MYOM3: variants seen among roughly 807,000 people sequenced by gnomAD.
The protein encoded by MYOM3 is myomesin-3.
MYOM3 carries 155 observed loss-of-function variants against 191.7 expected under a neutral mutation model. The observed-to-expected ratio is 0.81, with a 90% confidence interval of 0.71 to 0.92. The LOEUF (loss-of-function observed/expected upper bound fraction) is 0.92. MYOM3 is among the 40% of genes least tolerant of loss of function. The pLI is 0.00. For synonymous variants in MYOM3, 757 were observed against 762.9 expected, an observed-to-expected ratio of 0.99 and a Z score of 0.13; for missense variants, 1,889 against 1,890.6, an observed-to-expected ratio of 1.00 and a Z score of 0.02.
At chr1:24,058,864 G>T in intron 36 of MYOM3, 60 bp downstream of exon 36, 1 of 1,230,530 alleles carries the variant, frequency 8.1e-7, no homozygotes, top group Non-Finnish European at 1.2e-6. Flanking sequence ...GTGATCTGTG[G>T]TGGATGCACG....
intron 13 of MYOM3, 114 bp downstream of exon 13, chr1:24,089,951 C>T: frequency 1.8e-6 from 2 of 1,099,408 alleles, no homozygotes; most frequent in South Asian, 2.8e-5. Flanking sequence ...TAGGCCCCAC[C>T]TGCCCTCATC....
chr1:24,068,152 C>CTGCAGGGCAGGCCAGGTG, intron 26 of MYOM3, 71 bp downstream of exon 26: 1 of 1,339,874 alleles, frequency 7.5e-7, no homozygotes, highest in African/African-American at 1.6e-5. Flanking sequence ...GGACTCAGGG[C>CTGCAGGGCAGGCCAGGTG]TGCAGGGCAG....
intron 22 of MYOM3, 26 bp from the exon 23 acceptor site, chr1:24,074,295 T>C: frequency 6.3e-7 from 1 of 1,578,680 alleles, no homozygotes; most frequent in Non-Finnish European, 8.7e-7. Context: ...GAGCAGAGGC[T>C]CTGGGAGGAG....
intron 14 of MYOM3, 37 bp downstream of exon 14, chr1:24,089,501 C>T (rs751005041): frequency 4.1e-5 from 64 of 1,565,454 alleles, no homozygotes; most frequent in Non-Finnish European, 5.4e-5. Flanking sequence ...ATCTGTTTCT[C>T]AGGCTGGCCT....
At chr1:24,073,815 A>G (rs531168697) in intron 23 of MYOM3, among the ~76,000 whole-genome samples, 2 of 147,214 alleles carry the variant, frequency 1.4e-5, no homozygotes, top group East Asian at 2.1e-4. Flanking sequence ...GTGAGCCGAG[A>G]TCGTGCCACT....
intron 12 of MYOM3, among the ~76,000 whole-genome samples, chr1:24,090,422 A>C (rs1643802849): frequency 6.6e-6 from 1 of 152,182 alleles, no homozygotes; most frequent in Admixed American, 6.5e-5. Context: ...CACCCAAGTC[A>C]GCGTGGCTCC....
intron 11 of MYOM3, 136 bp downstream of exon 11, chr1:24,092,038 G>A: frequency 1.3e-6 from 1 of 789,058 alleles, no homozygotes; most frequent in Non-Finnish European, 1.8e-6. Flanking sequence ...AGCACAGCCT[G>A]TCTCCTGTCC....
chr1:24,100,186 G>A (rs543267713), intron 5 of MYOM3, among the ~76,000 whole-genome samples: 1 of 152,252 alleles, frequency 6.6e-6, no homozygotes, highest in Non-Finnish European at 1.5e-5. Context: ...GCAGTTTTGT[G>A]TTGCTTACTT....
chr1:24,061,076 C>T lies in MYOM3; in HGVS notation c.3978G>A (p.Leu1326=), dbSNP rs1441994851. The change falls in exon 35 of 37, where the codon TTG becomes TTA. Residue 1326 remains leucine, a synonymous_variant. Transcript: ENST00000374434. ...AMAEHQRLKT[L]AIIEKNRAKV... is the part of the protein sequence containing the mutation. ...CCGACTTACTCTTCTCGATGATGGC[C>T]AAGGTTCTGAAAAACAGAAATGGGA... 6.2e-7 allele frequency: 1 copy of T among 1,614,034 alleles called. No homozygotes were observed. The highest frequency in any genetic ancestry group is 8.5e-7 in the Non-Finnish European group (1 of 1,180,004).
Position 24,099,776 on chromosome 1 carries a change from C to T in MYOM3, c.561-1G>A, listed in dbSNP as rs1471534828. ...ATCAATCCGTGTGTCATTTTTGTAC[C>T]TGTGGGGACATAGCGGTCTGTGGCA... is the stretch of plus-strand genomic sequence containing the variant. On this transcript the variant is annotated splice_acceptor_variant, in intron 5 of 36. Coordinates refer to ENST00000374434, the MANE Select transcript of MYOM3 (RefSeq NM_152372.4). LOFTEE classifies it high-confidence loss of function. 1.2e-6 allele frequency: 2 copies of T among 1,613,326 alleles called. No homozygotes were observed. Among genetic ancestry groups the T allele is most frequent in the East Asian group, 4.5e-5 (2 of 44,882 alleles).
At chr1:24,059,610 C>T (rs923684519) in intron 35 of MYOM3, among the ~76,000 whole-genome samples, 21 of 152,214 alleles carry the variant, frequency 1.4e-4, no homozygotes, top group African/African-American at 2.4e-4. Context: ...AAGTGGGACT[C>T]TGAGACTTCA....
intron 25 of MYOM3, 66 bp from the exon 26 acceptor site, chr1:24,068,433 G>C: frequency 8.2e-6 from 13 of 1,588,272 alleles, no homozygotes; most frequent in Non-Finnish European, 1.0e-5. Context: ...GTACACATCA[G>C]AGTGTAGTGG....
At chr1:24,078,872 A>G (rs1412943198) in intron 20 of MYOM3, among the ~76,000 whole-genome samples, 1 of 152,070 alleles carries the variant, frequency 6.6e-6, no homozygotes, top group Non-Finnish European at 1.5e-5. Context: ...GATATGTCTA[A>G]GTATTTGTGA....
At chr1:24,099,540 C>A in intron 6 of MYOM3, 140 bp downstream of exon 6, 1 of 649,060 alleles carries the variant, frequency 1.5e-6, no homozygotes, top group Non-Finnish European at 2.8e-6. Context: ...TCCCAGGAAT[C>A]GGTATTTTGA....
intron 29 of MYOM3, among the ~76,000 whole-genome samples, chr1:24,064,507 C>T (rs912833623): frequency 7.2e-5 from 11 of 152,180 alleles, no homozygotes; most frequent in African/African-American, 2.7e-4. Flanking sequence ...CTTGTCTGGG[C>T]CTGGCCCACC....
chr1:24,100,421 C>T (rs1643903697), intron 5 of MYOM3, among the ~76,000 whole-genome samples: 1 of 152,194 alleles, frequency 6.6e-6, no homozygotes, highest in Non-Finnish European at 1.5e-5. Flanking sequence ...CTGCCCCTCC[C>T]CCTACCAAGC....
chr1:24,108,612 C>T lies in MYOM3; in HGVS notation c.25G>A (p.Gly9Ser). 6.4e-7 allele frequency: 1 copy of T among 1,566,148 alleles called. No homozygotes were observed. Among genetic ancestry groups the T allele is most frequent in the African/African-American group, 1.4e-5 (1 of 73,422 alleles). MTLPHSLG[G>S]AGDPRPPQAM... Reference sequence around the variant, plus strand: ...TGGGGGGGCCGGGGGTCCCCCGCACCTCCCAAGCTGTGCGGCAGAGTCATG... The same window carrying T: ...TGGGGGGGCCGGGGGTCCCCCGCACTTCCCAAGCTGTGCGGCAGAGTCATG... The change falls in exon 2 of 37, where the codon GGT becomes AGT. Residue 9 changes from glycine (G) to serine (S), a missense_variant. Coordinates refer to ENST00000374434, the MANE Select transcript of MYOM3 (RefSeq NM_152372.4).
intron 1 of MYOM3, among the ~76,000 whole-genome samples, chr1:24,110,366 GTGTA>G (rs1644028433): frequency 6.6e-6 from 1 of 152,022 alleles, no homozygotes; most frequent in Admixed American, 6.5e-5. Flanking sequence ...GTGCATGTGT[GTGTA>G]TGTGTGTGTG....
intron 10 of MYOM3, 119 bp downstream of exon 10, chr1:24,092,828 G>T: frequency 1.9e-6 from 2 of 1,035,470 alleles, no homozygotes; most frequent in Non-Finnish European, 2.6e-6. Context: ...CTGATTTTAT[G>T]GTAGAGAAAT....
Sources: gnomAD v4.1 joint callset for allele counts (sites outside exome capture counted in the v4.1 genomes callset) on GRCh38, gnomAD v4.1.1 for gene constraint, MANE v1.5 for transcripts, NCBI Gene and HGNC (gene_info 2026-07-23, HGNC 2026-07-21) for gene names.